The following EEA1 variants were observed in gnomAD, a reference collection of about 807,000 sequenced individuals.
The protein encoded by EEA1 is early endosome antigen 1, 162kD.
EEA1 carries 111 observed loss-of-function variants against 209.2 expected under a neutral mutation model. The observed-to-expected ratio is 0.53, with a 90% CI of 0.45 to 0.62. EEA1 has a LOEUF of 0.62. Ranked by LOEUF, EEA1 falls within the 20% of genes least tolerant of loss-of-function variation. EEA1 has a pLI of 0.00. For missense variants in EEA1, 1,343 were observed against 1,530.8 expected (o/e 0.88, Z 2.05); for synonymous variants, 536 against 540.6 (o/e 0.99, Z 0.12).
At chr12:92,796,130 T>A (rs181655788) in intron 21 of EEA1, among the ~76,000 whole-genome samples, 3 of 152,254 alleles carry the variant, frequency 2.0e-5, no homozygotes, top group Admixed American at 1.3e-4. Flanking sequence ...ACTGCTCCAT[T>A]ATATAATACA....
At chr12:92,927,319 C>T (rs1451698385) in intron 1 of EEA1, among the ~76,000 whole-genome samples, 1 of 152,156 alleles carries the variant, frequency 6.6e-6, no homozygotes, top group Non-Finnish European at 1.5e-5. Context: ...GCCAATAGCG[C>T]CGACGTTAAG....
At chr12:92,922,098 C>T (rs1881032186) in intron 1 of EEA1, among the ~76,000 whole-genome samples, 1 of 152,072 alleles carries the variant, frequency 6.6e-6, no homozygotes, top group African/African-American at 2.4e-5. Flanking sequence ...CCTTATTTGA[C>T]TCAACTTCTC....
intron 1 of EEA1, among the ~76,000 whole-genome samples, chr12:92,912,106 C>T (rs1041491696): frequency 3.9e-5 from 6 of 152,122 alleles, no homozygotes; most frequent in Admixed American, 3.9e-4. Context: ...TGAAATCTAA[C>T]CCAAATGACA....
intron 18 of EEA1, among the ~76,000 whole-genome samples, chr12:92,805,905 T>C (rs551225428): frequency 2.6e-5 from 4 of 152,318 alleles, no homozygotes; most frequent in Non-Finnish European, 5.9e-5. Flanking sequence ...CATGAATCCA[T>C]TGAGCACTTT....
In EEA1 at chr12:92,819,544, T is replaced by C. The variant is rs1555201309; in HGVS notation, c.1525-33A>G. On this transcript the variant is annotated intron_variant, in intron 13 of 28. Coordinates refer to ENST00000322349, the MANE Select transcript of EEA1 (RefSeq NM_003566.4). ...GAATTGAAAACTACTACTTTAAGAA[T>C]AGAGAACTTAAAAAGTTATTCCTCA... 9.0e-6 allele frequency: 13 copies of C among 1,443,364 alleles called. No homozygotes were observed. In the South Asian group the frequency reaches 1.2e-4, roughly 13 times the overall value. 89.4% of individuals were successfully genotyped at this position (1,443,364 alleles called of 1,614,324 possible).
intron 22 of EEA1, 69 bp from the exon 23 acceptor site, chr12:92,782,204 A>C: frequency 7.8e-7 from 1 of 1,279,884 alleles, no homozygotes; most frequent in Non-Finnish European, 1.1e-6. Flanking sequence ...AACATAGTTA[A>C]TATAAACATT....
chr12:92,928,197 A>G (rs1881282695), intron 1 of EEA1, among the ~76,000 whole-genome samples: 1 of 152,224 alleles, frequency 6.6e-6, no homozygotes, highest in Non-Finnish European at 1.5e-5. Flanking sequence ...GACAGGTACA[A>G]TAACTCTTAC....
intron 10 of EEA1, among the ~76,000 whole-genome samples, chr12:92,835,721 C>G (rs906952431): frequency 1.3e-5 from 2 of 151,872 alleles, no homozygotes; most frequent in Non-Finnish European, 2.9e-5. Context: ...GATAGTTTCA[C>G]TCTTTAAAAG....
chr12:92,820,590 T>G (rs7134050), intron 13 of EEA1, among the ~76,000 whole-genome samples: 94,265 of 151,618 alleles, frequency 0.62, 30,057 homozygotes, highest in East Asian at 0.94. Flanking sequence ...CACCGGAGCC[T>G]GTTGGGGGTT....
At chr12:92,912,366 G>A (rs181074102) in intron 1 of EEA1, among the ~76,000 whole-genome samples, 1 of 152,160 alleles carries the variant, frequency 6.6e-6, no homozygotes, top group African/African-American at 2.4e-5. Context: ...GACTTGCCTT[G>A]ACTAATGGTA....
At chr12:92,914,380 C>A (rs1030899368) in intron 1 of EEA1, among the ~76,000 whole-genome samples, 1 of 152,152 alleles carries the variant, frequency 6.6e-6, no homozygotes, top group African/African-American at 2.4e-5. Flanking sequence ...TTTACTGTAG[C>A]CTTGTAGCAT....
intron 18 of EEA1, among the ~76,000 whole-genome samples, chr12:92,805,429 T>C (rs1286507590): frequency 6.6e-6 from 1 of 152,198 alleles, no homozygotes; most frequent in Non-Finnish European, 1.5e-5. Flanking sequence ...TTATTTCACC[T>C]TTCTGAAGAG....
Position 92,776,920 on chromosome 12 carries a change from T to G in EEA1, c.4037A>C (p.Asn1346Thr). ...TTCATTGTCTTCGGCCCACTTTCTA[T>G]TCAACGCTTGTGTATGTTTGATCTG... Reference protein sequence around the residue: ...SLQIKHTQALNRKWAEDNEVQ... With the variant: ...SLQIKHTQALTRKWAEDNEVQ... Residue 1346 changes from asparagine (N) to threonine (T), a missense_variant, in exon 28 of 29, where the codon AAT becomes ACT. Coordinates refer to ENST00000322349, the MANE Select transcript of EEA1 (RefSeq NM_003566.4). 6.2e-7 allele frequency: 1 copy of G among 1,611,876 alleles called. No individual in the cohort carries two copies. The highest frequency in any genetic ancestry group is 1.3e-5 in the African/African-American group (1 of 74,956).
chr12:92,782,231 T>G, intron 22 of EEA1, 96 bp from the exon 23 acceptor site: 1 of 973,138 alleles, frequency 1.0e-6, no homozygotes. Flanking sequence ...AGCAATAAAC[T>G]ATAAAAAGAT....
intron 1 of EEA1, among the ~76,000 whole-genome samples, chr12:92,914,644 T>C (rs1392965714): frequency 6.6e-6 from 1 of 151,670 alleles, no homozygotes; most frequent in Non-Finnish European, 1.5e-5. Flanking sequence ...CTGGGCAACA[T>C]AACAAGACCT....
intron 9 of EEA1, among the ~76,000 whole-genome samples, chr12:92,846,121 C>T (rs1258682945): frequency 1.3e-5 from 2 of 152,100 alleles, no homozygotes; most frequent in South Asian, 4.1e-4. Context: ...ATGGTTGAAG[C>T]TATGCATGAT....
chr12:92,784,392 A>G (rs933618478), intron 22 of EEA1, among the ~76,000 whole-genome samples: 3 of 152,156 alleles, frequency 2.0e-5, no homozygotes, highest in Non-Finnish European at 2.9e-5. Context: ...ATTTCACATA[A>G]AAAAGGAGAA....
At chr12:92,792,805 A>T (rs1874471824) in intron 21 of EEA1, among the ~76,000 whole-genome samples, 1 of 152,194 alleles carries the variant, frequency 6.6e-6, no homozygotes, top group South Asian at 2.1e-4. Flanking sequence ...TCCTGATACC[A>T]AAGCCCAGAA....
chr12:92,814,615 A>C (rs981174979), intron 15 of EEA1, among the ~76,000 whole-genome samples: 2 of 147,546 alleles, frequency 1.4e-5, no homozygotes, highest in Non-Finnish European at 3.0e-5. Flanking sequence ...GCGGGGGGGG[A>C]AATGTGGCTA....
Sources: allele counts gnomAD v4.1 joint callset (sites outside exome capture counted in the v4.1 genomes callset), GRCh38; gene constraint gnomAD v4.1.1; transcripts MANE v1.5; gene names NCBI Gene and HGNC (gene_info 2026-07-23, HGNC 2026-07-21).